The following ANXA3 variants were observed in gnomAD, a reference collection of about 807,000 sequenced individuals.
ANXA3 encodes 35-alpha calcimedin.
In ANXA3, 46 loss-of-function variants were observed where a neutral mutation model predicts 48.8. That is an observed-to-expected ratio of 0.94 (90% CI 0.74 to 1.21). ANXA3 has a LOEUF of 1.21. Ranked by LOEUF, ANXA3 falls within the 50% of genes most tolerant of loss-of-function variation. The pLI, the probability that ANXA3 is intolerant of heterozygous loss-of-function variation, is 0.00. For missense variants in ANXA3, 383 were observed against 378.6 expected (o/e 1.01, Z -0.10); for synonymous variants, 128 against 134.7 (o/e 0.95, Z 0.35).
chr4:78,579,884 C>A lies in ANXA3; in HGVS notation c.198+763C>A, dbSNP rs934690777. Among the ~76,000 whole-genome samples, 4 of 151,938 alleles carry A rather than the reference C, an allele frequency of 2.6e-5. No homozygotes were observed. The East Asian group carries it at 7.7e-4, about 29-fold the overall frequency. The stretch of plus-strand genomic sequence containing the variant: ...CCGGGAGGCGGAGTCTTCAGTGAGC[C>A]GAGATTGATCCAGCCTGGAAACAGA... On this transcript the variant is annotated intron_variant, in intron 4 of 12. Transcript: ENST00000264908.
intron 8 of ANXA3, 72 bp downstream of exon 8, chr4:78,595,509 A>G: frequency 6.7e-7 from 1 of 1,484,798 alleles, no homozygotes. Flanking sequence ...TTATGTGAAA[A>G]GGGAGAAAAA....
intron 2 of ANXA3, among the ~76,000 whole-genome samples, chr4:78,569,466 C>T (rs970954715): frequency 4.6e-5 from 7 of 152,176 alleles, no homozygotes; most frequent in East Asian, 1.9e-4. Flanking sequence ...ATTCCTGAAG[C>T]GATGAGCTCA....
intron 2 of ANXA3, among the ~76,000 whole-genome samples, chr4:78,559,625 C>T (rs1368078052): frequency 6.6e-6 from 1 of 152,162 alleles, no homozygotes; most frequent in African/African-American, 2.4e-5. Context: ...ACAATTAAAG[C>T]AGCAAGTACC....
chr4:78,593,151 A>C (rs2867464), intron 7 of ANXA3, among the ~76,000 whole-genome samples: 51 of 140,084 alleles, frequency 3.6e-4, no homozygotes, highest in African/African-American at 1.4e-3. Flanking sequence ...ACACACACAC[A>C]CCACTTAAAC....
intron 3 of ANXA3, among the ~76,000 whole-genome samples, chr4:78,573,894 C>T (rs766175530): frequency 5.3e-5 from 8 of 152,144 alleles, no homozygotes; most frequent in South Asian, 4.1e-4. Context: ...TCAAATCCAG[C>T]GCCATGTTGG....
intron 3 of ANXA3, among the ~76,000 whole-genome samples, chr4:78,578,298 C>CGAGAAAGAGAGAGAGA (rs1553900195): frequency 4.3e-5 from 2 of 46,516 alleles, no homozygotes; most frequent in East Asian, 1.3e-3. Context: ...AGAGAGAGAG[C>CGAGAAAGAGAGAGAGA]GAGAGAGAGA....
At chr4:78,581,328 C>T (rs932516878) in intron 4 of ANXA3, among the ~76,000 whole-genome samples, 1 of 152,126 alleles carries the variant, frequency 6.6e-6, no homozygotes, top group African/African-American at 2.4e-5. Flanking sequence ...CCCTGTTACC[C>T]CCCTTTAAGC....
At chr4:78,593,113 C>A (rs1032961636) in intron 7 of ANXA3, among the ~76,000 whole-genome samples, 18 of 144,030 alleles carry the variant, frequency 1.2e-4, no homozygotes, top group South Asian at 2.2e-4. Context: ...AACACACATA[C>A]CACACACACA....
At chr4:78,552,852 A>G (rs1722427915) in intron 1 of ANXA3, among the ~76,000 whole-genome samples, 1 of 152,260 alleles carries the variant, frequency 6.6e-6, no homozygotes. Flanking sequence ...GAATTTTTAA[A>G]TGTAAAGAAA....
intron 2 of ANXA3, among the ~76,000 whole-genome samples, chr4:78,557,522 G>A (rs1332604732): frequency 1.3e-5 from 2 of 152,038 alleles, no homozygotes; most frequent in African/African-American, 4.8e-5. Flanking sequence ...CCTACCACAG[G>A]GGCTAGGAGT....
intron 2 of ANXA3, among the ~76,000 whole-genome samples, chr4:78,563,684 G>T (rs1206170978): frequency 6.6e-6 from 1 of 152,160 alleles, no homozygotes; most frequent in East Asian, 1.9e-4. Flanking sequence ...CACCCAGTTT[G>T]TGGTATTTTG....
intron 7 of ANXA3, among the ~76,000 whole-genome samples, chr4:78,594,150 G>A (rs976385189): frequency 2.7e-5 from 4 of 149,754 alleles, no homozygotes; most frequent in African/African-American, 7.7e-5. Flanking sequence ...CATACAGTAC[G>A]TAGCCATTTC....
At chr4:78,581,656 T>C (rs1185076713) in intron 4 of ANXA3, among the ~76,000 whole-genome samples, 1 of 152,180 alleles carries the variant, frequency 6.6e-6, no homozygotes, top group Non-Finnish European at 1.5e-5. Flanking sequence ...TTGCCACACT[T>C]AGGGTTTTCT....
At chr4:78,580,842 A>T (rs1723056390) in intron 4 of ANXA3, among the ~76,000 whole-genome samples, 1 of 152,272 alleles carries the variant, frequency 6.6e-6, no homozygotes, top group Non-Finnish European at 1.5e-5. Context: ...AGCACAGAGC[A>T]GGTGCCCAGA....
chr4:78,586,253 T>C lies in ANXA3; in HGVS notation c.313-7T>C. 6.2e-7 allele frequency: 1 copy of C among 1,610,834 alleles called. No individual in the cohort carries two copies. The highest frequency in any genetic ancestry group is 8.5e-7 in the Non-Finnish European group (1 of 1,178,446). ...TTCTAAAAATTAGATTTTCTTTTCC[T>C]TTTTAGGGCGCGGGAACAAACGAAG... On this transcript the variant is annotated splice_region_variant and splice_polypyrimidine_tract_variant and intron_variant, in intron 5 of 12. Coordinates refer to ENST00000264908, the MANE Select transcript of ANXA3 (RefSeq NM_005139.3).
intron 2 of ANXA3, among the ~76,000 whole-genome samples, chr4:78,556,399 TAAAAAATTTACGGA>T (rs1487614457): frequency 1.3e-5 from 2 of 151,780 alleles, no homozygotes; most frequent in African/African-American, 4.8e-5. Context: ...ACAAAGAAAA[TAAAAAATTTACGGA>T]AAGACTATTA....
intron 2 of ANXA3, among the ~76,000 whole-genome samples, chr4:78,557,891 G>A (rs1351096709): frequency 2.0e-5 from 3 of 152,156 alleles, no homozygotes; most frequent in Non-Finnish European, 2.9e-5. Flanking sequence ...GGAAATGAAA[G>A]CAGGATCTTA....
chr4:78,576,761 T>C (rs1453283432), intron 3 of ANXA3, among the ~76,000 whole-genome samples: 2 of 152,240 alleles, frequency 1.3e-5, no homozygotes, highest in South Asian at 2.1e-4. Context: ...CCACTTCTGA[T>C]AGGTTCTGAG....
chr4:78,595,812 G>C lies in ANXA3; in HGVS notation c.559G>C (p.Glu187Gln). The part of the protein sequence containing the change: ...QDAQILYKAG[E>Q]NRWGTDEDKF... ...TGAATAGATTCTCTATAAAGCTGGT[G>C]AGAACAGATGGGGCACGGATGAAGA... The change falls in exon 9 of 13, where the codon GAG becomes CAG. Residue 187 changes from glutamate (E) to glutamine (Q), a missense_variant. Transcript: ENST00000264908. The C allele has an allele frequency of 3.1e-6, 5 of 1,609,300 alleles. No homozygotes were observed. Among genetic ancestry groups the C allele is most frequent in the Non-Finnish European group, 4.3e-6 (5 of 1,175,738 alleles).
Sources: gnomAD v4.1 joint callset for allele counts (sites outside exome capture counted in the v4.1 genomes callset) on GRCh38, gnomAD v4.1.1 for gene constraint, MANE v1.5 for transcripts, NCBI Gene and HGNC (gene_info 2026-07-23, HGNC 2026-07-21) for gene names.